ZNF605: variants seen among roughly 807,000 people sequenced by gnomAD.
ZNF605 encodes zinc finger protein 605.
Under a neutral mutation model 7.9 loss-of-function variants are expected in ZNF605, and 9 were observed. The observed-to-expected ratio is 1.14, with a 90% CI of 0.68 to 1.98. The LOEUF (loss-of-function observed/expected upper bound fraction) is 1.98, where lower values mean the gene tolerates loss of function less well. Ranked by LOEUF, ZNF605 falls within the 30% of genes most tolerant of loss-of-function variation. ZNF605 has a pLI of 0.00. For synonymous variants in ZNF605, 255 were observed against 260.1 expected (o/e 0.98, Z 0.19); for missense variants, 673 against 762.4 (o/e 0.88, Z 1.38).
In ZNF605 at chr12:132,926,139, TGA is replaced by T. The variant is rs1440920898; in HGVS notation, c.1158_1159del (p.Thr388ArgfsTer9). On this transcript the variant is annotated frameshift_variant, in exon 5 of 5. Transcript: ENST00000360187. LOFTEE classifies it low-confidence loss of function (END_TRUNC). ...GCATCGATAGTTCTTCTCTCCTGTG[TGA>T]GTTATCTGATGTTTAATCAGCTGTG... is the stretch of plus-strand genomic sequence containing the variant. 6.2e-7 allele frequency: 1 copy of T among 1,614,224 alleles called. No homozygotes were observed.
chr12:132,937,446 C>A (rs1196286513), intron 3 of ZNF605, among the ~76,000 whole-genome samples: 1 of 148,930 alleles, frequency 6.7e-6, no homozygotes, highest in Non-Finnish European at 1.5e-5. Context: ...AAGGTGAATG[C>A]AAATTAAAAC....
intron 3 of ZNF605, chr12:132,945,391 A>C (rs993761998): frequency 5.4e-6 from 8 of 1,488,302 alleles, no homozygotes; most frequent in Middle Eastern, 2.4e-4. Flanking sequence ...TGTAAGCCTC[A>C]TAACACCCAC....
Position 132,941,485 on chromosome 12 carries a change from C to T in ZNF605, c.15+4136G>A, listed in dbSNP as rs1319612286. ...GCCCGACATGACCAGATCTGCTTCC[C>T]GTTCAGGTTTCCTGAGCGCAGTGCT... On this transcript the variant is annotated intron_variant, in intron 3 of 4. Transcript: ENST00000360187. This position sits in a 1 kb window ranked among gnomAD's most constrained non-coding sequence, Gnocchi z 5.1. Among the ~76,000 whole-genome samples the T allele has an allele frequency of 6.6e-6, 1 of 152,200 alleles. No individual in the cohort carries two copies. The highest frequency in any genetic ancestry group is 2.1e-4 in the South Asian group (1 of 4,832).
Position 132,942,354 on chromosome 12 carries a change from C to T in ZNF605, c.15+3267G>A, listed in dbSNP as rs1029750833. The stretch of plus-strand genomic sequence containing the variant: ...TGGACCGTCTGCTGAGCCCACACCT[C>T]GGCTTCCTCACGGTGCTGACGAGGA... On this transcript the variant is annotated intron_variant, in intron 3 of 4. Coordinates refer to ENST00000360187, the MANE Select transcript of ZNF605 (RefSeq NM_183238.4). 6.6e-5 allele frequency among the ~76,000 whole-genome samples: 10 copies of T among 152,354 alleles called. No individual in the cohort carries two copies. In the Middle Eastern group the frequency reaches 0.01, roughly 155 times the overall value.
At chr12:132,934,722 A>AAG (rs1555279190) in intron 3 of ZNF605, among the ~76,000 whole-genome samples, 17,713 of 136,120 alleles carry the variant, frequency 0.13, 1,967 homozygotes, top group Non-Finnish European at 0.18. Flanking sequence ...AAAAAAAAAA[A>AAG]GATTCCAGGA....
At chr12:132,930,491 C>A (rs1952297729) in intron 4 of ZNF605, among the ~76,000 whole-genome samples, 1 of 152,048 alleles carries the variant, frequency 6.6e-6, no homozygotes, top group Non-Finnish European at 1.5e-5. Flanking sequence ...CACTAATGTA[C>A]CCCCACTGCA....
At position 132,947,213 on chromosome 12, in the gene ZNF605, C is replaced by T. The variant is rs1415567976; in HGVS notation, c.-163+935G>A. On this transcript the variant is annotated intron_variant, in intron 2 of 4. Coordinates refer to ENST00000360187, the MANE Select transcript of ZNF605 (RefSeq NM_183238.4). ...TATTTTTAGTAGAGTCGGGGTTTCA[C>T]CATATTGGCCAGGCTAGTCTCGAAC... Among the ~76,000 whole-genome samples, 9 of 152,260 alleles carry T rather than the reference C, an allele frequency of 5.9e-5. No homozygotes were observed. The East Asian group carries it at 1.5e-3, about 26-fold the overall frequency.
At chr12:132,938,265 C>A (rs1258441811) in intron 3 of ZNF605, among the ~76,000 whole-genome samples, 2 of 152,038 alleles carry the variant, frequency 1.3e-5, no homozygotes, top group Non-Finnish European at 2.9e-5. Flanking sequence ...CAGGCAAGAG[C>A]CACTGTGCCA....
intron 1 of ZNF605, among the ~76,000 whole-genome samples, chr12:132,954,159 C>T (rs1952605547): frequency 6.6e-6 from 1 of 151,396 alleles, no homozygotes; most frequent in Non-Finnish European, 1.5e-5. Flanking sequence ...CAGAGTTATC[C>T]CTACAGGCCC....
chr12:132,945,856 T>A, intron 2 of ZNF605, 59 bp from the exon 3 acceptor site: 1 of 667,358 alleles, frequency 1.5e-6, no homozygotes, highest in Non-Finnish European at 2.6e-6. Flanking sequence ...AACCTAAATC[T>A]TGGTGTTCTC....
chr12:132,929,044 C>CAAAAA (rs140441684), intron 4 of ZNF605, among the ~76,000 whole-genome samples: 35 of 151,180 alleles, frequency 2.3e-4, no homozygotes, highest in African/African-American at 7.1e-4. Context: ...CAAAACAAAA[C>CAAAAA]AAAAAAACCC....
At chr12:132,935,116 G>A (rs1355304153) in intron 3 of ZNF605, among the ~76,000 whole-genome samples, 2 of 152,194 alleles carry the variant, frequency 1.3e-5, no homozygotes, top group African/African-American at 4.8e-5. Context: ...AGAGAGGTAA[G>A]CAGAGGCCAG....
In ZNF605 at chr12:132,922,278, T is replaced by C. The variant is rs1207895534; in HGVS notation, c.*3095A>G. The stretch of plus-strand genomic sequence containing the variant: ...CCTAAATAACAATGCTTTTTGAAGG[T>C]TGTTTGGCTAACCCAGAGGTAGTAA... On this transcript the variant is annotated 3_prime_UTR_variant, in exon 5 of 5. Coordinates refer to ENST00000360187, the MANE Select transcript of ZNF605 (RefSeq NM_183238.4). The C allele has an allele frequency of 1.3e-5, 2 of 152,206 alleles. No individual in the cohort carries two copies. The highest frequency in any genetic ancestry group is 2.4e-5 in the African/African-American group (1 of 41,456). 9.4% of individuals were successfully genotyped at this position (152,206 alleles called of 1,614,324 possible). A position where few individuals can be genotyped will look rare whatever the true frequency, so the allele number is the denominator to read the frequency against.
rs1952446103 is a variant in ZNF605, at chr12:132,941,826, G to A, written c.15+3795C>T. Among the ~76,000 whole-genome samples the A allele has an allele frequency of 6.6e-6, 1 of 151,854 alleles. No individual in the cohort carries two copies. Among genetic ancestry groups the A allele is most frequent in the African/African-American group, 2.4e-5 (1 of 41,346 alleles). ...TGCCCTCTGTCACGCTCCTTCTCGA[G>A]GCTGCCCTCCATCACGCGTCCTTCT... On this transcript the variant is annotated intron_variant, in intron 3 of 4. Coordinates refer to ENST00000360187, the MANE Select transcript of ZNF605 (RefSeq NM_183238.4). The surrounding 1 kb of genome is among the most constrained non-coding windows in gnomAD (Gnocchi z 5.1).
rs1952184460 is a variant in ZNF605 at position 132,919,477 on chromosome 12, C to A, written c.*5896G>T. On this transcript the variant is annotated 3_prime_UTR_variant, in exon 5 of 5. Transcript: ENST00000360187. Reference sequence around the variant, plus strand: ...CGATCTCAGCTCACTGCAAGCTCCGCCTCCCGGGTTCACGCCATTCTCCTG... The same window carrying A: ...CGATCTCAGCTCACTGCAAGCTCCGACTCCCGGGTTCACGCCATTCTCCTG... 1 of 151,418 alleles carries A rather than the reference C, an allele frequency of 6.6e-6. No individual in the cohort carries two copies. Among genetic ancestry groups the A allele is most frequent in the South Asian group, 2.1e-4 (1 of 4,794 alleles). 9.4% of individuals were successfully genotyped at this position (151,418 alleles called of 1,614,324 possible).
Position 132,921,473 on chromosome 12 carries a change from T to G in ZNF605, c.*3900A>C, listed in dbSNP as rs895783155. ...GGGAGAATCCTGATGGTGGAAATCA[T>G]TTTATTCTCATACACAGGTTATTAC... On this transcript the variant is annotated 3_prime_UTR_variant, in exon 5 of 5. Coordinates refer to ENST00000360187, the MANE Select transcript of ZNF605 (RefSeq NM_183238.4). 2.0e-5 allele frequency: 3 copies of G among 152,214 alleles called. No homozygotes were observed. The highest frequency in any genetic ancestry group is 7.2e-5 in the African/African-American group (3 of 41,444). The allele number at this position is 152,214 out of a possible 1,614,324, so 9.4% of individuals were successfully genotyped here.
rs1032761014 is a variant in ZNF605, at chr12:132,941,239, C to G, written c.15+4382G>C. 1.3e-5 allele frequency among the ~76,000 whole-genome samples: 2 copies of G among 152,068 alleles called. No individual in the cohort carries two copies. Among genetic ancestry groups the G allele is most frequent in the Non-Finnish European group, 2.9e-5 (2 of 68,018 alleles). ...ACAGAGATGCAGACATGGCCTAGACCGAGCCTCCGCGTGTGCTGCTTCTGC... is the reference window on the plus strand; with the variant it reads ...ACAGAGATGCAGACATGGCCTAGACGGAGCCTCCGCGTGTGCTGCTTCTGC... On this transcript the variant is annotated intron_variant, in intron 3 of 4. Transcript: ENST00000360187. This position sits in a 1 kb window ranked among gnomAD's most constrained non-coding sequence, Gnocchi z 5.1.
Position 132,924,910 on chromosome 12 carries a change from A to G in ZNF605, c.*463T>C, listed in dbSNP as rs914016164. The G allele has an allele frequency of 1.3e-5, 2 of 153,772 alleles. No homozygotes were observed. Among genetic ancestry groups the G allele is most frequent in the African/African-American group, 2.4e-5 (1 of 41,518 alleles). The allele number at this position is 153,772 out of a possible 1,614,324, so 9.5% of individuals were successfully genotyped here. On this transcript the variant is annotated 3_prime_UTR_variant, in exon 5 of 5. Coordinates refer to ENST00000360187, the MANE Select transcript of ZNF605 (RefSeq NM_183238.4). Reference sequence around the variant, plus strand: ...ACCACTTCCTTACAGAACTATTTCAATAGCATCATGCTTGTCAAATTCTTT... The same window carrying G: ...ACCACTTCCTTACAGAACTATTTCAGTAGCATCATGCTTGTCAAATTCTTT...
chr12:132,933,093 A>G lies in ZNF605; in HGVS notation c.78T>C (p.Thr26=). Residue 26 remains threonine (T), a synonymous_variant, in exon 4 of 5, where the codon ACT becomes ACC. Coordinates refer to ENST00000360187, the MANE Select transcript of ZNF605 (RefSeq NM_183238.4). This position sits in a 1 kb window ranked among gnomAD's most constrained non-coding sequence, Gnocchi z 4.4. ...TCACATCTCTGTACAAGTTCTTCTG[A>G]GTAGGATTAAGTAGCTGCCATTCCT... ...TLEEWQLLNP[T]QKNLYRDVML... 1 of 1,612,040 alleles carries G rather than the reference A, an allele frequency of 6.2e-7. No individual in the cohort carries two copies. Among genetic ancestry groups the G allele is most frequent in the Non-Finnish European group, 8.5e-7 (1 of 1,178,664 alleles).
Sources: gnomAD v4.1 joint callset for allele counts (sites outside exome capture counted in the v4.1 genomes callset) on GRCh38, gnomAD v4.1.1 for gene constraint, Gnocchi (gnomAD v3.1) non-coding constraint, MANE v1.5 for transcripts, NCBI Gene and HGNC (gene_info 2026-07-23, HGNC 2026-07-21) for gene names.